Variants in RERG observed in about 807,000 individuals in gnomAD.
The protein encoded by RERG is ras-related and estrogen-regulated growth inhibitor.
Under a neutral mutation model 23.2 loss-of-function variants are expected in RERG, and 25 were observed. That is an observed-to-expected ratio of 1.08 (90% CI 0.79 to 1.50). The LOEUF (loss-of-function observed/expected upper bound fraction) is 1.50, where lower values mean the gene tolerates loss of function less well. RERG is among the 40% of genes most tolerant of loss of function. RERG has a pLI of 0.00. For missense variants in RERG, 253 were observed against 250.1 expected (o/e 1.01, Z -0.08); for synonymous variants, 81 against 89.1 (o/e 0.91, Z 0.51).
chr12:15,198,664 G>C, intron 2 of RERG, among the ~76,000 whole-genome samples: 1 of 152,256 alleles, frequency 6.6e-6, no homozygotes, highest in African/African-American at 2.4e-5. Flanking sequence ...GTATGACACA[G>C]GTCATGAAGG....
At chr12:15,208,675 A>G (rs764092244) in intron 2 of RERG, among the ~76,000 whole-genome samples, 1 of 152,214 alleles carries the variant, frequency 6.6e-6, no homozygotes, top group Non-Finnish European at 1.5e-5. Flanking sequence ...TACTTGTTGA[A>G]TGAACAACTG....
intron 2 of RERG, among the ~76,000 whole-genome samples, chr12:15,213,554 C>A (rs1458162108): frequency 6.6e-6 from 1 of 152,220 alleles, no homozygotes; most frequent in African/African-American, 2.4e-5. Context: ...GAAGACAGAA[C>A]TGCAAGATAA....
At chr12:15,159,148 C>T (rs1008741006) in intron 2 of RERG, among the ~76,000 whole-genome samples, 5 of 152,076 alleles carry the variant, frequency 3.3e-5, no homozygotes, top group African/African-American at 1.2e-4. Context: ...TTTTTTTATA[C>T]ACTTACTGTT....
chr12:15,112,969 A>G (rs933004494), intron 3 of RERG, among the ~76,000 whole-genome samples: 3 of 152,230 alleles, frequency 2.0e-5, no homozygotes, highest in African/African-American at 7.2e-5. Context: ...AGAAGTCTAA[A>G]GGGATTTAGA....
At chr12:15,192,095 G>T (rs926667963) in intron 2 of RERG, among the ~76,000 whole-genome samples, 5 of 152,192 alleles carry the variant, frequency 3.3e-5, no homozygotes, top group African/African-American at 1.2e-4. Flanking sequence ...GGAGGTGTTT[G>T]GATCATGGGG....
chr12:15,163,123 C>T (rs1488151771), intron 2 of RERG, among the ~76,000 whole-genome samples: 1 of 152,180 alleles, frequency 6.6e-6, no homozygotes, highest in African/African-American at 2.4e-5. Flanking sequence ...GACTATAGCA[C>T]TTTCTTTTGC....
In RERG at chr12:15,108,148, A is replaced by C. The variant is rs898179194; in HGVS notation, c.*962T>G. On this transcript the variant is annotated 3_prime_UTR_variant, in exon 5 of 5. Transcript: ENST00000256953. ...GTGAGTTAATGTATCCAAAATATCA[A>C]AATAAGTCATGTGGCAAACTTAATG... The C allele has an allele frequency of 1.3e-5, 2 of 152,360 alleles. No homozygotes were observed. The highest frequency in any genetic ancestry group is 4.8e-5 in the African/African-American group (2 of 41,452). The allele number at this position is 152,360 out of a possible 1,614,324, so 9.4% of individuals were successfully genotyped here. A position where few individuals can be genotyped will look rare whatever the true frequency, so the allele number is the denominator to read the frequency against.
chr12:15,207,822 A>C (rs1255149745), intron 2 of RERG, among the ~76,000 whole-genome samples: 1 of 152,190 alleles, frequency 6.6e-6, no homozygotes, highest in East Asian at 1.9e-4. Context: ...AGAGGGATTT[A>C]TCATGCTCTA....
chr12:15,155,956 T>C (rs969961858), intron 2 of RERG, among the ~76,000 whole-genome samples: 1 of 150,338 alleles, frequency 6.7e-6, no homozygotes, highest in Non-Finnish European at 1.5e-5. Context: ...GTAACTAACC[T>C]GCACAAAGTG....
At chr12:15,217,719 T>G (rs1391634710) in intron 1 of RERG, 116 bp from the exon 2 acceptor site, 2 of 490,244 alleles carry the variant, frequency 4.1e-6, no homozygotes, top group Non-Finnish European at 7.4e-6. Flanking sequence ...GGTTTGATCT[T>G]TACCACTATC....
chr12:15,143,376 C>T (rs1251732248), intron 2 of RERG, among the ~76,000 whole-genome samples: 1 of 150,578 alleles, frequency 6.6e-6, no homozygotes, highest in Non-Finnish European at 1.5e-5. Flanking sequence ...AATATATACA[C>T]ACATGTGTGT....
chr12:15,190,839 C>T (rs1865060676), intron 2 of RERG, among the ~76,000 whole-genome samples: 1 of 152,150 alleles, frequency 6.6e-6, no homozygotes, highest in Non-Finnish European at 1.5e-5. Context: ...GTCCTTTGCT[C>T]AGCATCTTGC....
chr12:15,117,808 G>T (rs1370896062), intron 3 of RERG, among the ~76,000 whole-genome samples: 2 of 151,936 alleles, frequency 1.3e-5, no homozygotes, highest in African/African-American at 4.8e-5. Flanking sequence ...TCAATTCTTG[G>T]TTGGGATCCA....
intron 1 of RERG, among the ~76,000 whole-genome samples, chr12:15,220,931 T>C (rs1012217225): frequency 2.6e-5 from 4 of 152,190 alleles, no homozygotes; most frequent in African/African-American, 9.6e-5. Context: ...ACAAATCCAT[T>C]GTGGACTGCA....
intron 2 of RERG, among the ~76,000 whole-genome samples, chr12:15,141,290 G>A (rs912111666): frequency 7.3e-5 from 11 of 151,614 alleles, no homozygotes; most frequent in African/African-American, 2.7e-4. Flanking sequence ...TGAGTAGTTG[G>A]GACTACAGGT....
intron 2 of RERG, among the ~76,000 whole-genome samples, chr12:15,129,715 T>A (rs930594000): frequency 1.3e-5 from 2 of 151,886 alleles, no homozygotes; most frequent in Non-Finnish European, 2.9e-5. Flanking sequence ...TCAGGGTGGG[T>A]AGAGTGGCAT....
At chr12:15,192,705 G>T (rs908067175) in intron 2 of RERG, among the ~76,000 whole-genome samples, 1 of 152,052 alleles carries the variant, frequency 6.6e-6, no homozygotes, top group Non-Finnish European at 1.5e-5. Flanking sequence ...ACCCCACACT[G>T]TATTTACTTG....
At position 15,124,848 on chromosome 12, in the gene RERG, A is replaced by G. The variant is rs11829696; in HGVS notation, c.62-3729T>C. ...GGCCAGGACAGATTTTTTTTTGGTT[A>G]GGAAAAGAATTTCTGCTCCAATTAA... is the stretch of plus-strand genomic sequence containing the variant. On this transcript the variant is annotated intron_variant, in intron 2 of 4. Coordinates refer to ENST00000256953, the MANE Select transcript of RERG (RefSeq NM_032918.3). Among the ~76,000 whole-genome samples the G allele has an allele frequency of 6.5e-3, 981 of 151,926 alleles. 8 individuals are homozygous for G. Among genetic ancestry groups the G allele is most frequent in the African/African-American group, 0.023 (937 of 41,502 alleles).
rs79763312 is a variant in RERG at position 15,147,951 on chromosome 12, G to A, written c.62-26832C>T. The stretch of plus-strand genomic sequence containing the variant: ...TAACATGGAAGAGTGTCCAAATCTC[G>A]AATCTCCACTTACAGAGTGGTTAGA... On this transcript the variant is annotated intron_variant, in intron 2 of 4. Transcript: ENST00000256953. Among the ~76,000 whole-genome samples, 952 of 152,170 alleles carry A rather than the reference G, an allele frequency of 6.3e-3. 85 individuals are homozygous for A. The East Asian group carries it at 0.16, about 26-fold the overall frequency.
Sources: allele counts gnomAD v4.1 joint callset (sites outside exome capture counted in the v4.1 genomes callset), GRCh38; gene constraint gnomAD v4.1.1; transcripts MANE v1.5; gene names NCBI Gene and HGNC (gene_info 2026-07-23, HGNC 2026-07-21).